Variants in DPYD observed in about 807,000 individuals in gnomAD.
DPYD encodes the protein dihydropyrimidine dehydrogenase, also known as dihydropyrimidine dehydrogenase [NADP(+)].
DPYD carries 109 observed loss-of-function variants against 116.2 expected under a neutral mutation model. That is an observed-to-expected ratio of 0.94 (90% confidence interval 0.80 to 1.10). DPYD has a LOEUF of 1.10. Among genes scored for constraint, DPYD ranks in the 50% least tolerant of loss-of-function variants. DPYD has a pLI of 0.00. For synonymous variants in DPYD, 440 were observed against 432.0 expected (o/e 1.02, Z -0.23); for missense variants, 1,302 against 1,254.5 (o/e 1.04, Z -0.57).
chr1:97,390,426 T>C (rs774486577), intron 14 of DPYD, among the ~76,000 whole-genome samples: 3 of 152,052 alleles, frequency 2.0e-5, no homozygotes, highest in Non-Finnish European at 4.4e-5. Flanking sequence ...TTATTAAATG[T>C]TAATTAACCA....
chr1:97,744,204 A>T (rs1341968082), intron 3 of DPYD, among the ~76,000 whole-genome samples: 5 of 152,222 alleles, frequency 3.3e-5, no homozygotes, highest in African/African-American at 1.2e-4. Context: ...CTAGAGAAAG[A>T]GAAACATGAT....
chr1:97,539,827 G>T (rs1474965222), intron 12 of DPYD, among the ~76,000 whole-genome samples: 1 of 152,062 alleles, frequency 6.6e-6, no homozygotes, highest in Non-Finnish European at 1.5e-5. Flanking sequence ...TTTAGTTTGT[G>T]TTCTATCTCC....
intron 18 of DPYD, among the ~76,000 whole-genome samples, chr1:97,274,035 A>C (rs1301122367): frequency 6.6e-6 from 1 of 152,204 alleles, no homozygotes. Context: ...TTATTCTTTG[A>C]TGCCTATTGT....
intron 20 of DPYD, among the ~76,000 whole-genome samples, chr1:97,167,001 T>C (rs945523830): frequency 6.6e-6 from 1 of 152,190 alleles, no homozygotes; most frequent in African/African-American, 2.4e-5. Flanking sequence ...TCAGAGAGTA[T>C]ATTAATGCTA....
At chr1:97,795,619 T>C (rs759512412) in intron 3 of DPYD, among the ~76,000 whole-genome samples, 67 of 152,114 alleles carry the variant, frequency 4.4e-4, no homozygotes, top group Admixed American at 2.0e-3. Context: ...CTTTTTGACA[T>C]AGTGAACAAC....
At chr1:97,340,448 C>T (rs559906382) in intron 16 of DPYD, among the ~76,000 whole-genome samples, 1 of 152,154 alleles carries the variant, frequency 6.6e-6, no homozygotes, top group South Asian at 2.1e-4. Context: ...GGTAGGAGGG[C>T]CACTTTAGCC....
chr1:97,124,482 T>G (rs1234812655), intron 20 of DPYD, among the ~76,000 whole-genome samples: 1 of 152,120 alleles, frequency 6.6e-6, no homozygotes, highest in Non-Finnish European at 1.5e-5. Context: ...AAGGACTAGA[T>G]TTATTCCAAG....
intron 10 of DPYD, among the ~76,000 whole-genome samples, chr1:97,581,326 C>CA (rs1161399547): frequency 0.44 from 29,220 of 66,260 alleles, 9,481 homozygotes; most frequent in East Asian, 0.83. Context: ...GACTCAGTCT[C>CA]AAAAAAAAAA....
intron 17 of DPYD, 123 bp downstream of exon 17, chr1:97,306,054 A>T (rs750103992): frequency 6.6e-6 from 10 of 1,516,554 alleles, no homozygotes; most frequent in Non-Finnish European, 8.2e-6. Flanking sequence ...GCTCAACTGG[A>T]AACTTTTAAA....
In DPYD at chr1:97,476,363, C is replaced by A. The variant is rs74105237; in HGVS notation, c.1741-26140G>T. On this transcript the variant is annotated intron_variant, in intron 13 of 22. Coordinates refer to ENST00000370192, the MANE Select transcript of DPYD (RefSeq NM_000110.4). ...CAAAACCAATGAGAAAAAGATGACC[C>A]CTTTAGTAGAAAATGATAAAAAATA... Among the ~76,000 whole-genome samples the A allele has an allele frequency of 6.8e-3, 1,041 of 152,030 alleles. 16 individuals carry two copies. The highest frequency in any genetic ancestry group is 0.023 in the African/African-American group (939 of 41,458).
chr1:97,495,452 A>T (rs913680382), intron 13 of DPYD, among the ~76,000 whole-genome samples: 1 of 152,154 alleles, frequency 6.6e-6, no homozygotes, highest in Non-Finnish European at 1.5e-5. Context: ...TCTGTTTTTC[A>T]ACTTTATTCA....
intron 2 of DPYD, among the ~76,000 whole-genome samples, chr1:97,871,288 G>A (rs1305546739): frequency 2.6e-5 from 4 of 151,722 alleles, no homozygotes; most frequent in Non-Finnish European, 1.5e-5. Flanking sequence ...AATCTATTTG[G>A]TTCCAGATCT....
chr1:97,255,974 A>T (rs1271396760), intron 18 of DPYD, among the ~76,000 whole-genome samples: 3 of 152,104 alleles, frequency 2.0e-5, no homozygotes, highest in African/African-American at 7.2e-5. Context: ...TCTCCTTTAT[A>T]AACAAGATCT....
At chr1:97,136,926 C>G (rs1432340262) in intron 20 of DPYD, among the ~76,000 whole-genome samples, 2 of 152,104 alleles carry the variant, frequency 1.3e-5, no homozygotes. Flanking sequence ...AAATGGACAA[C>G]TAAAACCATC....
chr1:97,653,001 G>GATCC (rs1190685210), intron 8 of DPYD, among the ~76,000 whole-genome samples: 8 of 152,078 alleles, frequency 5.3e-5, no homozygotes, highest in African/African-American at 1.7e-4. Context: ...TGCCAGTGAT[G>GATCC]ATCCTGCTTC....
At chr1:97,104,362 T>A (rs1341137013) in intron 20 of DPYD, among the ~76,000 whole-genome samples, 1 of 152,008 alleles carries the variant, frequency 6.6e-6, no homozygotes, top group African/African-American at 2.4e-5. Context: ...AAGTAAAAAA[T>A]CGTACTTACA....
At chr1:97,208,214 C>T (rs1659787467) in intron 19 of DPYD, among the ~76,000 whole-genome samples, 2 of 141,786 alleles carry the variant, frequency 1.4e-5, no homozygotes, top group Non-Finnish European at 1.6e-5. Context: ...TTTCTTCTTT[C>T]TCTTTGTTTC....
chr1:97,412,656 C>T (rs952716204), intron 14 of DPYD, among the ~76,000 whole-genome samples: 4 of 152,182 alleles, frequency 2.6e-5, no homozygotes, highest in East Asian at 1.9e-4. Flanking sequence ...AAAAAGTGTA[C>T]GACTACAGTT....
At chr1:97,242,272 T>C (rs1662427287) in intron 18 of DPYD, among the ~76,000 whole-genome samples, 2 of 149,488 alleles carry the variant, frequency 1.3e-5, no homozygotes, top group Non-Finnish European at 3.0e-5. Flanking sequence ...AGAAAAACCG[T>C]AGAAAACAAT....
Sources: gnomAD v4.1 joint callset for allele counts (sites outside exome capture counted in the v4.1 genomes callset) on GRCh38, gnomAD v4.1.1 for gene constraint, MANE v1.5 for transcripts, NCBI Gene and HGNC (gene_info 2026-07-23, HGNC 2026-07-21) for gene names.